CAMK1D: variants seen among roughly 807,000 people sequenced by gnomAD.
CAMK1D encodes calcium/calmodulin-dependent protein kinase type 1D.
In CAMK1D, 9 loss-of-function variants were observed where a neutral mutation model predicts 47.7. The ratio of observed to expected loss-of-function variants is 0.19; its 90% CI spans 0.11 to 0.33. The LOEUF is 0.33. Among genes scored for constraint, CAMK1D ranks in the 10% least tolerant of loss-of-function variants. CAMK1D has a pLI of 1.00. For missense variants in CAMK1D, 291 were observed against 488.7 expected (o/e 0.60, Z 3.81); for synonymous variants, 184 against 184.9 (o/e 0.99, Z 0.04).
At position 12,400,796 on chromosome 10, in the gene CAMK1D, C is replaced by T. The variant is rs910690142; in HGVS notation, c.92+50886C>T. Among the ~76,000 whole-genome samples the T allele has an allele frequency of 2.6e-5, 4 of 151,210 alleles. No individual in the cohort carries two copies. The Admixed American group carries it at 2.7e-4, about 10-fold the overall frequency. On this transcript the variant is annotated intron_variant, in intron 1 of 10. Coordinates refer to ENST00000619168, the MANE Select transcript of CAMK1D (RefSeq NM_153498.4). ...GTTCTTCTGGTTTAATTCCTCTCATCCTTCAGGACAGACCTCTGGTCTAGC... is the reference window on the plus strand; with the variant it reads ...GTTCTTCTGGTTTAATTCCTCTCATTCTTCAGGACAGACCTCTGGTCTAGC...
intron 3 of CAMK1D, among the ~76,000 whole-genome samples, chr10:12,728,061 C>A (rs541452948): frequency 6.6e-6 from 1 of 152,296 alleles, no homozygotes; most frequent in East Asian, 1.9e-4. Flanking sequence ...TCACAGCTCC[C>A]GGCCTTGATT....
intron 2 of CAMK1D, among the ~76,000 whole-genome samples, chr10:12,639,314 G>C (rs1449242881): frequency 6.6e-6 from 1 of 152,208 alleles, no homozygotes; most frequent in Admixed American, 6.5e-5. Flanking sequence ...GTGAAACCCT[G>C]TGTCTACTAA....
chr10:12,390,869 T>A (rs1161107921), intron 1 of CAMK1D, among the ~76,000 whole-genome samples: 1 of 152,010 alleles, frequency 6.6e-6, no homozygotes, highest in East Asian at 1.9e-4. Context: ...CCCACTAGAT[T>A]CAGAATGAAC....
Position 12,571,912 on chromosome 10 carries a change from G to A in CAMK1D, c.224+18556G>A, listed in dbSNP as rs1244066224. 2.7e-5 allele frequency among the ~76,000 whole-genome samples: 4 copies of A among 150,140 alleles called. No homozygotes were observed. In the East Asian group the frequency reaches 7.7e-4, roughly 29 times the overall value. ...CCCTTCCCTCTAAAACAATAAAAAT[G>A]CTTTATTTTATAGAAATGCCAAGTA... On this transcript the variant is annotated intron_variant, in intron 2 of 10. Coordinates refer to ENST00000619168, the MANE Select transcript of CAMK1D (RefSeq NM_153498.4).
In CAMK1D at chr10:12,819,213, G is replaced by C. The variant is rs377202943; in HGVS notation, c.833+2885G>C. Among the ~76,000 whole-genome samples the C allele has an allele frequency of 2.6e-5, 4 of 152,328 alleles. No homozygotes were observed. The East Asian group carries it at 5.8e-4, about 22-fold the overall frequency. The stretch of plus-strand genomic sequence containing the variant: ...ACAGAGGGCCCAGCAGGAGGTGGAG[G>C]CCCTGCTGAGTGCCACACCATGAGA... On this transcript the variant is annotated intron_variant, in intron 8 of 10. Coordinates refer to ENST00000619168, the MANE Select transcript of CAMK1D (RefSeq NM_153498.4).
chr10:12,446,910 T>A (rs2132024160), intron 1 of CAMK1D, among the ~76,000 whole-genome samples: 1 of 152,328 alleles, frequency 6.6e-6, no homozygotes, highest in Non-Finnish European at 1.5e-5. Context: ...TTACATGAGA[T>A]ACCTTAAATT....
intron 6 of CAMK1D, among the ~76,000 whole-genome samples, chr10:12,795,622 G>T (rs1437162011): frequency 6.6e-6 from 1 of 152,192 alleles, no homozygotes; most frequent in African/African-American, 2.4e-5. Flanking sequence ...ATATCAGACT[G>T]CAGCCAAAGT....
intron 3 of CAMK1D, among the ~76,000 whole-genome samples, chr10:12,727,018 G>C (rs1475386767): frequency 2.0e-5 from 3 of 152,234 alleles, no homozygotes; most frequent in African/African-American, 7.2e-5. Context: ...CCCACACCCA[G>C]GCTCCCCTTC....
At chr10:12,349,953 A>G (rs750123177) in intron 1 of CAMK1D, 43 bp downstream of exon 1, 1 of 1,265,534 alleles carries the variant, frequency 7.9e-7, no homozygotes, top group Non-Finnish European at 1.1e-6. Context: ...TGGCCGCGGC[A>G]GGGGCTGCAC....
At chr10:12,364,273 C>A (rs1837770133) in intron 1 of CAMK1D, among the ~76,000 whole-genome samples, 1 of 142,034 alleles carries the variant, frequency 7.0e-6, no homozygotes. Flanking sequence ...ATGGAGTCTC[C>A]CTCTGTTGCC....
intron 5 of CAMK1D, among the ~76,000 whole-genome samples, chr10:12,787,160 AAT>A (rs1837762854): frequency 7.0e-6 from 1 of 143,486 alleles, no homozygotes; most frequent in Admixed American, 6.9e-5. Context: ...GAAGAAGAAG[AAT>A]CTAAACATCT....
At chr10:12,470,286 G>T (rs1833706618) in intron 1 of CAMK1D, among the ~76,000 whole-genome samples, 1 of 152,140 alleles carries the variant, frequency 6.6e-6, no homozygotes, top group Non-Finnish European at 1.5e-5. Flanking sequence ...ATAAAGACTT[G>T]ACCAGGAGTA....
At chr10:12,525,102 C>G (rs1835576525) in intron 1 of CAMK1D, among the ~76,000 whole-genome samples, 1 of 152,176 alleles carries the variant, frequency 6.6e-6, no homozygotes, top group South Asian at 2.1e-4. Context: ...TCATTCTCGT[C>G]ACATTTTCCT....
Position 12,521,010 on chromosome 10 carries a change from C to G in CAMK1D, c.93-32215C>G, listed in dbSNP as rs1371676723. ...TCTTAAGATTGGTAATTTGTGTTCT[C>G]TTTTTAAAATCAGCTTGGCTAGAGG... On this transcript the variant is annotated intron_variant, in intron 1 of 10. Transcript: ENST00000619168. Among the ~76,000 whole-genome samples the G allele has an allele frequency of 2.7e-5, 4 of 148,428 alleles. No individual in the cohort carries two copies. In the East Asian group the frequency reaches 8.3e-4, roughly 31 times the overall value.
intron 1 of CAMK1D, among the ~76,000 whole-genome samples, chr10:12,513,899 A>G (rs1835112081): frequency 1.3e-5 from 2 of 152,228 alleles, no homozygotes; most frequent in South Asian, 4.1e-4. Context: ...AAGTAGGGAA[A>G]GTGCAAGTGA....
At chr10:12,351,754 T>C (rs1427132391) in intron 1 of CAMK1D, among the ~76,000 whole-genome samples, 1 of 152,176 alleles carries the variant, frequency 6.6e-6, no homozygotes, top group Non-Finnish European at 1.5e-5. Flanking sequence ...TGCCCTCTGG[T>C]GCCAGAGCGC....
intron 1 of CAMK1D, among the ~76,000 whole-genome samples, chr10:12,354,812 A>G (rs562034599): frequency 5.4e-5 from 8 of 148,850 alleles, no homozygotes; most frequent in South Asian, 2.1e-4. Context: ...TTGTGTGGCT[A>G]GGTGCAGCTC....
chr10:12,783,651 G>A (rs1238981726), intron 5 of CAMK1D, among the ~76,000 whole-genome samples: 2 of 152,170 alleles, frequency 1.3e-5, no homozygotes, highest in African/African-American at 4.8e-5. Context: ...CCTTGGTTAC[G>A]CCTTGTTCTT....
chr10:12,431,293 T>G (rs905111642), intron 1 of CAMK1D, among the ~76,000 whole-genome samples: 1 of 152,222 alleles, frequency 6.6e-6, no homozygotes, highest in African/African-American at 2.4e-5. Flanking sequence ...CTGGGGCTGT[T>G]TTTTGCAGCT....
Sources: gnomAD v4.1 joint callset for allele counts (sites outside exome capture counted in the v4.1 genomes callset) on GRCh38, gnomAD v4.1.1 for gene constraint, MANE v1.5 for transcripts, NCBI Gene and HGNC (gene_info 2026-07-23, HGNC 2026-07-21) for gene names.